The following CIT variants were observed in gnomAD, a reference collection of about 807,000 sequenced individuals.
CIT encodes citron Rho-interacting kinase.
CIT carries 79 observed loss-of-function variants against 272.7 expected under a neutral mutation model. That is an observed-to-expected ratio of 0.29 (90% CI 0.24 to 0.35). The LOEUF (loss-of-function observed/expected upper bound fraction) is 0.35. Ranked by LOEUF, CIT falls within the 10% of genes least tolerant of loss-of-function variation. The probability of loss-of-function intolerance (pLI) is 1.00; values close to 1 mark genes in which losing one functional copy is unlikely to be tolerated. For missense variants in CIT, 1,909 were observed against 2,618.3 expected, an observed-to-expected ratio of 0.73 and a Z score of 5.91; for synonymous variants, 948 against 995.6, an observed-to-expected ratio of 0.95 and a Z score of 0.90.
rs1375334178 is a variant in CIT at position 119,775,822 on chromosome 12, C to T, written c.1905G>A (p.Gln635=). Residue 635 remains glutamine, a synonymous_variant, in exon 16 of 48, where the codon CAG becomes CAA. Transcript: ENST00000392521. ...AKLEKINAEQ[Q]LKIQELQEKL... Reference sequence around the variant, plus strand: ...TCTCTTGGAGCTCCTGAATTTTGAGCTGCTGCTCAGCATTGATCTATAATT... The same window carrying T: ...TCTCTTGGAGCTCCTGAATTTTGAGTTGCTGCTCAGCATTGATCTATAATT... 1 of 1,613,914 alleles carries T rather than the reference C, an allele frequency of 6.2e-7. No homozygotes were observed. Among genetic ancestry groups the T allele is most frequent in the South Asian group, 1.1e-5 (1 of 91,038 alleles).
At chr12:119,689,330 T>G (rs1342001802) in intron 47 of CIT, among the ~76,000 whole-genome samples, 2 of 151,358 alleles carry the variant, frequency 1.3e-5, no homozygotes, top group Non-Finnish European at 2.9e-5. Context: ...TGCCGTGAGC[T>G]ATAATCACGC....
intron 3 of CIT, among the ~76,000 whole-genome samples, chr12:119,864,446 C>T (rs1004622013): frequency 1.1e-4 from 16 of 152,198 alleles, no homozygotes; most frequent in African/African-American, 3.6e-4. Flanking sequence ...AGCAATTCTC[C>T]AGCCTCAGCC....
chr12:119,741,084 T>C (rs569574681), intron 24 of CIT, among the ~76,000 whole-genome samples: 4 of 151,960 alleles, frequency 2.6e-5, no homozygotes, highest in Admixed American at 6.6e-5. Context: ...ACAATCCAAA[T>C]GTCTACCAAC....
chr12:119,704,601 C>T (rs1304749720), intron 40 of CIT, 146 bp from the exon 41 acceptor site: 8 of 686,514 alleles, frequency 1.2e-5, no homozygotes, highest in South Asian at 9.0e-5. Context: ...TCCTGGGCAT[C>T]GCAGGATATG....
intron 43 of CIT, chr12:119,701,105 A>G (rs1166553626): frequency 5.7e-6 from 1 of 175,440 alleles, no homozygotes; most frequent in Non-Finnish European, 1.2e-5. Flanking sequence ...AAAGAGAAAG[A>G]GACAGAGAGA....
At chr12:119,757,631 G>A in intron 21 of CIT, 86 bp from the exon 22 acceptor site, 3 of 1,517,018 alleles carry the variant, frequency 2.0e-6, no homozygotes, top group Middle Eastern at 1.9e-4. Context: ...CGGACACGGA[G>A]TTAGACATGT....
intron 23 of CIT, among the ~76,000 whole-genome samples, chr12:119,746,326 A>G (rs1959395131): frequency 6.6e-6 from 1 of 152,200 alleles, no homozygotes; most frequent in African/African-American, 2.4e-5. Context: ...GCCACAAACG[A>G]TATGTAAACA....
chr12:119,717,838 C>CCTTTTTTTTTTTTTTTTTTTTTTTTT (rs1957598855), intron 32 of CIT, among the ~76,000 whole-genome samples: 5 of 81,330 alleles, frequency 6.1e-5, no homozygotes, highest in Non-Finnish European at 1.1e-4. Flanking sequence ...TGACTTCTTT[C>CCTTTTTTTTTTTTTTTTTTTTTTTTT]TTTTTTTTTT....
chr12:119,837,006 T>C (rs970053222), intron 5 of CIT, among the ~76,000 whole-genome samples: 2 of 152,216 alleles, frequency 1.3e-5, no homozygotes, highest in African/African-American at 4.8e-5. Context: ...CCAGGGTTGA[T>C]TGAGAAAACA....
At chr12:119,802,008 C>T (rs1218052018) in intron 10 of CIT, among the ~76,000 whole-genome samples, 3 of 152,216 alleles carry the variant, frequency 2.0e-5, no homozygotes, top group African/African-American at 7.2e-5. Flanking sequence ...CCCCACAACA[C>T]TCTGAAATCT....
At chr12:119,865,984 AC>A (rs1950504002) in intron 3 of CIT, among the ~76,000 whole-genome samples, 1 of 151,754 alleles carries the variant, frequency 6.6e-6, no homozygotes. Flanking sequence ...TTTTTTTTCT[AC>A]CCAGCATCCC....
intron 17 of CIT, among the ~76,000 whole-genome samples, chr12:119,771,740 A>C (rs560982295): frequency 6.6e-6 from 1 of 152,284 alleles, no homozygotes; most frequent in South Asian, 2.1e-4. Context: ...TTCTCAGCCA[A>C]GAGGAAAGGG....
At chr12:119,711,735 A>C (rs1281656222) in intron 37 of CIT, among the ~76,000 whole-genome samples, 4 of 152,178 alleles carry the variant, frequency 2.6e-5, no homozygotes, top group African/African-American at 9.7e-5. Flanking sequence ...AGCTCACTGC[A>C]GCCTCAAACT....
At position 119,708,256 on chromosome 12, in the gene CIT, G is replaced by A. The variant is rs1251861354; in HGVS notation, c.5134C>T (p.His1712Tyr). ...GAGATGTCGGGCTGGGCAGGCAGGT[G>A]GGACTGGGCCAGGGACTGTTTCACT... ...KKVKQSLAQS[H>Y]LPAQPDISPN... The change falls in exon 40 of 48, where the codon CAC (histidine) becomes TAC (tyrosine). Residue 1712 changes from histidine to tyrosine, a missense_variant. This residue lies in a region of CIT where 780 missense variants were observed against 1,067.2 expected (regional missense o/e 0.73). Transcript: ENST00000392521. The A allele has an allele frequency of 1.2e-6, 2 of 1,608,016 alleles. No individual in the cohort carries two copies. The highest frequency in any genetic ancestry group is 1.7e-6 in the Non-Finnish European group (2 of 1,177,508).
chr12:119,707,838 G>A (rs1177003184), intron 40 of CIT, among the ~76,000 whole-genome samples: 1 of 152,192 alleles, frequency 6.6e-6, no homozygotes, highest in Non-Finnish European at 1.5e-5. Context: ...CTTCTGCAAG[G>A]ACATCCGCCC....
chr12:119,792,253 T>C (rs1965369829), intron 10 of CIT, among the ~76,000 whole-genome samples: 5 of 152,164 alleles, frequency 3.3e-5, no homozygotes, highest in Admixed American at 3.3e-4. Context: ...AAATCCCAGA[T>C]ATTCTTGGGA....
intron 9 of CIT, among the ~76,000 whole-genome samples, chr12:119,819,989 A>G (rs545066959): frequency 1.3e-5 from 2 of 152,330 alleles, no homozygotes; most frequent in East Asian, 3.9e-4. Context: ...ACCACCAGGA[A>G]AACACAATAC....
chr12:119,868,093 G>A (rs748459721), intron 3 of CIT, among the ~76,000 whole-genome samples: 7 of 152,034 alleles, frequency 4.6e-5, no homozygotes, highest in Admixed American at 6.5e-5. Context: ...TTAGCTGGGC[G>A]TGGTAGTGTG....
intron 40 of CIT, among the ~76,000 whole-genome samples, chr12:119,705,132 C>T (rs1956805747): frequency 6.6e-6 from 1 of 152,098 alleles, no homozygotes; most frequent in Admixed American, 6.5e-5. Flanking sequence ...AGGCTGGTCT[C>T]GAACTCCTGG....
Sources: gnomAD v4.1 joint callset for allele counts (sites outside exome capture counted in the v4.1 genomes callset) on GRCh38, gnomAD v4.1.1 for gene constraint, gnomAD v4.1.1 regional missense constraint, MANE v1.5 for transcripts, NCBI Gene and HGNC (gene_info 2026-07-23, HGNC 2026-07-21) for gene names.